The following SPTBN5 variants were observed in gnomAD, a reference collection of about 807,000 sequenced individuals.
SPTBN5 encodes spectrin beta, non-erythrocytic 5, also known as spectrin beta chain, non-erythrocytic 5.
Under a neutral mutation model 477.6 loss-of-function variants are expected in SPTBN5, and 513 were observed. The ratio of observed to expected loss-of-function variants is 1.07; its 90% confidence interval spans 1.00 to 1.16. SPTBN5 has a LOEUF of 1.16. SPTBN5 is among the 50% of genes most tolerant of loss of function. SPTBN5 has a pLI of 0.00. For synonymous variants in SPTBN5, 2,169 were observed against 2,011.7 expected, an observed-to-expected ratio of 1.08 and a Z score of -2.09; for missense variants, 5,062 against 4,731.8, an observed-to-expected ratio of 1.07 and a Z score of -2.05.
In SPTBN5 at chr15:41,868,090, C is replaced by T. The variant is rs754066627; in HGVS notation, c.6186G>A (p.Glu2062=). Residue 2062 remains glutamate, a synonymous_variant, in exon 34 of 68, where the codon GAG becomes GAA. Coordinates refer to ENST00000320955, the MANE Select transcript of SPTBN5 (RefSeq NM_016642.4). Reference sequence around the variant, plus strand: ...CTGCCTCCTGGGCCGCGAGGATCTCCTCCAGGCGGCCGCACTCTCTGAGGA... The same window carrying T: ...CTGCCTCCTGGGCCGCGAGGATCTCTTCCAGGCGGCCGCACTCTCTGAGGA... ...QLFLRECGRL[E]EILAAQEVSL... 3.9e-5 allele frequency: 63 copies of T among 1,604,218 alleles called. 1 individual carries two copies. In the South Asian group the frequency reaches 6.6e-4, roughly 17 times the overall value.
chr15:41,851,462 A>G (rs1693312074), intron 63 of SPTBN5, 93 bp from the exon 64 acceptor site: 1 of 963,544 alleles, frequency 1.0e-6, no homozygotes, highest in African/African-American at 1.6e-5. Context: ...GGAGCTTCCC[A>G]GGAAAAGCGG....
chr15:41,863,944 C>G lies in SPTBN5; in HGVS notation c.6999G>C (p.Lys2333Asn). The stretch of plus-strand genomic sequence containing the variant: ...GCTGGCTTCGCCGCTGGCAGATGAT[C>G]TTGACTTCCTCAGGGTCCCGGTTCT... ...QLKNRDPEEV[K>N]IICQRRSQLN... Residue 2333 changes from lysine (K) to asparagine (N), a missense_variant, in exon 40 of 68, where the codon AAG becomes AAC. Coordinates refer to ENST00000320955, the MANE Select transcript of SPTBN5 (RefSeq NM_016642.4). 6.2e-7 allele frequency: 1 copy of G among 1,613,918 alleles called. No homozygotes were observed. Among genetic ancestry groups the G allele is most frequent in the South Asian group, 1.1e-5 (1 of 91,074 alleles).
At chr15:41,850,780 A>G (rs2065725938) in intron 66 of SPTBN5, 74 bp downstream of exon 66, 3 of 1,338,430 alleles carry the variant, frequency 2.2e-6, no homozygotes, top group South Asian at 1.4e-5. Flanking sequence ...TAGGATGCAT[A>G]AAACACTAGG....
intron 47 of SPTBN5, among the ~76,000 whole-genome samples, chr15:41,859,658 T>A (rs1280771856): frequency 6.6e-6 from 1 of 152,108 alleles, no homozygotes; most frequent in Non-Finnish European, 1.5e-5. Context: ...AGCCAGGGGC[T>A]AGAAGTCAGG....
At position 41,864,018 on chromosome 15, in the gene SPTBN5, CTG is replaced by C; in HGVS notation, c.6923_6924del (p.Thr2308SerfsTer3). ...ATGCTCCTGATGCAGGCATCACCCA[CTG>C]TGTCCTGCAGGGGAGGTATGGGTGA... Reference protein sequence around the residue: ...REFRGNSAGDTVGDACIRSIS... With the variant: ...REFRGNSAGDXVGDACIRSIS... On this transcript the variant is annotated frameshift_variant, in exon 40 of 68. Transcript: ENST00000320955. LOFTEE classifies it high-confidence loss of function. The C allele has an allele frequency of 6.2e-7, 1 of 1,612,424 alleles. No homozygotes were observed. Among genetic ancestry groups the C allele is most frequent in the Non-Finnish European group, 8.5e-7 (1 of 1,179,394 alleles).
Position 41,857,565 on chromosome 15 carries a change from A to C in SPTBN5, c.8364+8T>G, listed in dbSNP as rs775720953. 6.2e-7 allele frequency: 1 copy of C among 1,608,758 alleles called. No homozygotes were observed. On this transcript the variant is annotated splice_region_variant and intron_variant, in intron 50 of 67. Coordinates refer to ENST00000320955, the MANE Select transcript of SPTBN5 (RefSeq NM_016642.4). ...CGGCCAGCCACCCCTCGGCCTGCAC[A>C]ACCTCACCTCACAGGCCTTCTGGAG... is the stretch of plus-strand genomic sequence containing the variant.
intron 23 of SPTBN5, 22 bp from the exon 24 acceptor site, chr15:41,874,500 T>C: frequency 6.3e-7 from 1 of 1,576,582 alleles, no homozygotes; most frequent in Non-Finnish European, 8.6e-7. Flanking sequence ...AGGAAGAGAT[T>C]GGAGAGGTTG....
Position 41,857,274 on chromosome 15 carries a change from T to G in SPTBN5, c.8585A>C (p.Gln2862Pro), listed in dbSNP as rs1456235. 1 of 1,575,460 alleles carries G rather than the reference T, an allele frequency of 6.3e-7. No homozygotes were observed. The highest frequency in any genetic ancestry group is 1.8e-5 in the Admixed American group (1 of 54,402). The change falls in exon 51 of 68, where the codon CAA becomes CCA. Residue 2862 changes from glutamine to proline, a missense_variant. Physicochemically the swap from Gln to Pro is moderately conservative, Grantham distance 76 (BLOSUM62 -1). Transcript: ENST00000320955. Reference protein sequence around the residue: ...AFVREGHCLAQDVEEQARRLL... With the variant: ...AFVREGHCLAPDVEEQARRLL... ...CCGCCGGGCCTGCTCTTCCACATCT[T>G]GGGCAAGGCAGTGGCCTTCCCTCAC...
chr15:41,862,323 G>C (rs760545198), intron 43 of SPTBN5, 31 bp from the exon 44 acceptor site: 27 of 1,565,722 alleles, frequency 1.7e-5, no homozygotes, highest in Non-Finnish European at 2.3e-5. Context: ...CTAGTCGTCA[G>C]GCCTTCAAAC....
intron 3 of SPTBN5, among the ~76,000 whole-genome samples, chr15:41,891,794 C>T (rs1334316300): frequency 6.6e-6 from 1 of 152,210 alleles, no homozygotes; most frequent in East Asian, 1.9e-4. Flanking sequence ...TTCTGCCACA[C>T]ATTCCCTGTG....
chr15:41,871,189 C>T (rs924949330), intron 29 of SPTBN5, among the ~76,000 whole-genome samples, 186 bp downstream of exon 29: 2 of 152,256 alleles, frequency 1.3e-5, no homozygotes, highest in African/African-American at 2.4e-5. Flanking sequence ...CCAGCCTCAC[C>T]TTCCTTCACA....
intron 46 of SPTBN5, 141 bp downstream of exon 46, chr15:41,861,278 T>C (rs2066097376): frequency 2.8e-6 from 2 of 718,102 alleles, no homozygotes; most frequent in South Asian, 3.4e-5. Flanking sequence ...AACTGCCCAG[T>C]GACGGATGTG....
chr15:41,892,697 G>A, intron 3 of SPTBN5, 197 bp downstream of exon 3: 1 of 566,146 alleles, frequency 1.8e-6, no homozygotes, highest in Non-Finnish European at 3.0e-6. Flanking sequence ...TGGCCAGCTG[G>A]GTGCTCTCCA....
chr15:41,848,677 C>T lies in SPTBN5; in HGVS notation c.11013-49G>A. 1.2e-6 allele frequency: 2 copies of T among 1,610,144 alleles called. 1 individual carries two copies. The highest frequency in any genetic ancestry group is 2.2e-5 in the South Asian group (2 of 90,984). On this transcript the variant is annotated intron_variant, in intron 67 of 67. Coordinates refer to ENST00000320955, the MANE Select transcript of SPTBN5 (RefSeq NM_016642.4). ...TAGTAGGGTATGGCCACCCCAGAATCTTCTCCAAACAAACACACACTGGTG... is the reference window on the plus strand; with the variant it reads ...TAGTAGGGTATGGCCACCCCAGAATTTTCTCCAAACAAACACACACTGGTG...
chr15:41,866,302 C>G (rs753367302), intron 37 of SPTBN5, 42 bp downstream of exon 37: 48 of 1,571,214 alleles, frequency 3.1e-5, no homozygotes, highest in Non-Finnish European at 3.5e-5. Context: ...GCCCCTGGGC[C>G]ACACTTTGGG....
At chr15:41,859,210 G>A (rs1270272577) in intron 47 of SPTBN5, among the ~76,000 whole-genome samples, 2 of 152,154 alleles carry the variant, frequency 1.3e-5, no homozygotes, top group Non-Finnish European at 2.9e-5. Flanking sequence ...CCAGGCTGGA[G>A]TGCAGTGGCA....
rs1055252756 is a variant in SPTBN5 at position 41,888,126 on chromosome 15, G to T, written c.502-41C>A. On this transcript the variant is annotated intron_variant, in intron 4 of 67. Coordinates refer to ENST00000320955, the MANE Select transcript of SPTBN5 (RefSeq NM_016642.4). ...AGCAGGGTCACCATGCGGGGATGGG[G>T]TGGGGAGGCAGAGAGCCTGCAGGCT... 3 of 1,538,826 alleles carry T rather than the reference G, an allele frequency of 1.9e-6. No individual in the cohort carries two copies. In the African/African-American group the frequency reaches 4.1e-5, roughly 21 times the overall value.
Position 41,850,891 on chromosome 15 carries a change from C to A in SPTBN5, c.10884G>T (p.Gln3628His), listed in dbSNP as rs766864645. 1.2e-6 allele frequency: 2 copies of A among 1,604,314 alleles called. No individual in the cohort carries two copies. Among genetic ancestry groups the A allele is most frequent in the African/African-American group, 2.7e-5 (2 of 74,690 alleles). Residue 3628 changes from glutamine (Q) to histidine (H), a missense_variant, in exon 66 of 68, where the codon CAG becomes CAT. By Grantham distance (24) the Gln-to-His change is conservative (BLOSUM62 0). Transcript: ENST00000320955. ...CCAGGGCTCGCCACCAGCTCTCAGC[C>A]TGCTCTTCGGACGGTGCTGCAAACA... ...EILFAAPSEE[Q>H]AESWWRALGS...
chr15:41,882,821 C>T (rs2067018373), intron 9 of SPTBN5, 83 bp from the exon 10 acceptor site: 1 of 1,493,876 alleles, frequency 6.7e-7, no homozygotes, highest in African/African-American at 1.4e-5. Flanking sequence ...TAGACACTCC[C>T]CTTAGACAGG....
Sources: gnomAD v4.1 joint callset for allele counts (sites outside exome capture counted in the v4.1 genomes callset) on GRCh38, gnomAD v4.1.1 for gene constraint, MANE v1.5 for transcripts, NCBI Gene and HGNC (gene_info 2026-07-23, HGNC 2026-07-21) for gene names.